The following CCT2 variants were observed in gnomAD, a reference collection of about 807,000 sequenced individuals.
The protein encoded by CCT2 is chaperonin containing TCP1 subunit 2, also known as T-complex protein 1 subunit beta.
CCT2 carries 18 observed loss-of-function variants against 61.8 expected under a neutral mutation model. That is an observed-to-expected ratio of 0.29 (90% CI 0.20 to 0.43). The LOEUF (loss-of-function observed/expected upper bound fraction) is 0.43. CCT2 is among the 20% of genes least tolerant of loss of function. CCT2 has a pLI of 1.00. For synonymous variants in CCT2, 248 were observed against 215.9 expected (o/e 1.15, Z -1.30); for missense variants, 556 against 656.9 (o/e 0.85, Z 1.68).
At position 69,585,520 on chromosome 12, in the gene CCT2, C is replaced by G. The variant is rs1194648173; in HGVS notation, c.-2C>G. 2.5e-6 allele frequency: 4 copies of G among 1,569,640 alleles called. No homozygotes were observed. The highest frequency in any genetic ancestry group is 3.5e-6 in the Non-Finnish European group (4 of 1,156,426). On this transcript the variant is annotated 5_prime_UTR_variant, in exon 1 of 16. Coordinates refer to ENST00000299300, the MANE Select transcript of CCT2 (RefSeq NM_006431.3). The stretch of plus-strand genomic sequence containing the variant: ...CACTTGTGTGCGGAACTCCTCGGAA[C>G]CATGGTGAGCCTGACTCCCCTGCCT...
chr12:69,590,719 CT>C (rs3970807), intron 7 of CCT2, among the ~76,000 whole-genome samples: 25,728 of 139,868 alleles, frequency 0.18, 2,365 homozygotes, highest in East Asian at 0.28. Flanking sequence ...TGTAGCATTT[CT>C]TTTTTTTTTT....
chr12:69,592,754 C>T (rs1034250711), intron 8 of CCT2: 16 of 376,212 alleles, frequency 4.3e-5, no homozygotes, highest in Non-Finnish European at 5.8e-5. Context: ...ATGGTGAAAC[C>T]CTGTCTTTAC....
In CCT2 at chr12:69,587,981, C is replaced by G; in HGVS notation, c.308C>G (p.Thr103Ser). 6.2e-7 allele frequency: 1 copy of G among 1,613,604 alleles called. No individual in the cohort carries two copies. The highest frequency in any genetic ancestry group is 8.5e-7 in the Non-Finnish European group (1 of 1,179,538). The change falls in exon 5 of 16, where the codon ACC (threonine) becomes AGC (serine). Residue 103 changes from threonine to serine, a missense_variant. Coordinates refer to ENST00000299300, the MANE Select transcript of CCT2 (RefSeq NM_006431.3). Reference sequence around the variant, plus strand: ...GTTGGTGATGGCACTACCTCTGTTACCGTTTTAGCAGCAGAATTATTAAGG... The same window carrying G: ...GTTGGTGATGGCACTACCTCTGTTAGCGTTTTAGCAGCAGAATTATTAAGG... ...DEVGDGTTSV[T>S]VLAAELLREA... is the part of the protein sequence containing the mutation.
In CCT2 at chr12:69,593,582, T is replaced by C; in HGVS notation, c.951T>C (p.Phe317=). ...TCATGGCTATTGAGCATGCAGATTT[T>C]GCAGGTGTGGAACGCCTAGCTCTTG... ...AGVMAIEHAD[F]AGVERLALVT... The change falls in exon 10 of 16, where the codon TTT becomes TTC. Residue 317 remains phenylalanine, a synonymous_variant. Coordinates refer to ENST00000299300, the MANE Select transcript of CCT2 (RefSeq NM_006431.3). 1 of 1,613,160 alleles carries C rather than the reference T, an allele frequency of 6.2e-7. No individual in the cohort carries two copies. Among genetic ancestry groups the C allele is most frequent in the African/African-American group, 1.3e-5 (1 of 75,046 alleles).
At chr12:69,597,090 T>G in intron 10 of CCT2, 66 bp from the exon 11 acceptor site, 2 of 1,488,428 alleles carry the variant, frequency 1.3e-6, no homozygotes, top group Non-Finnish European at 1.9e-6. Context: ...TATCCATTAC[T>G]GCTTATTAGA....
In CCT2 at chr12:69,588,200, G is replaced by A. The variant is rs764322852; in HGVS notation, c.384G>A (p.Ala128=). 7.4e-6 allele frequency: 12 copies of A among 1,613,974 alleles called. No homozygotes were observed. The highest frequency in any genetic ancestry group is 1.3e-5 in the African/African-American group (1 of 74,888). ...AGATTCATCCACAGACCATCATAGC[G>A]GGTTGGAGAGAAGCCACGAAGGCTG... ...AKKIHPQTII[A]GWREATKAAR... The change falls in exon 6 of 16, where the codon GCG becomes GCA. Residue 128 remains alanine, a synonymous_variant. Coordinates refer to ENST00000299300, the MANE Select transcript of CCT2 (RefSeq NM_006431.3).
chr12:69,587,053 T>C (rs1365435652), intron 3 of CCT2: 2 of 415,278 alleles, frequency 4.8e-6, no homozygotes, highest in Non-Finnish European at 8.5e-6. Flanking sequence ...ATTCTGTTTA[T>C]GTAGAAGTAT....
At chr12:69,588,489 G>A in intron 6 of CCT2, 1 of 414,524 alleles carries the variant, frequency 2.4e-6, no homozygotes, top group Non-Finnish European at 4.3e-6. Context: ...AAAGCAAATA[G>A]TATAATACTG....
chr12:69,593,148 A>G, intron 9 of CCT2, 45 bp downstream of exon 9: 1 of 1,537,046 alleles, frequency 6.5e-7, no homozygotes, highest in Non-Finnish European at 8.9e-7. Flanking sequence ...ATGAAAGTTT[A>G]TGGAATACTT....
intron 5 of CCT2, 63 bp from the exon 6 acceptor site, chr12:69,588,087 T>C (rs934889533): frequency 1.3e-6 from 2 of 1,509,938 alleles, no homozygotes; most frequent in African/African-American, 2.7e-5. Flanking sequence ...CCTCTGTCTT[T>C]ACTATTGAGG....
intron 6 of CCT2, chr12:69,588,554 G>T: frequency 1.3e-5 from 3 of 236,000 alleles, no homozygotes; most frequent in Admixed American, 5.2e-5. Flanking sequence ...GCACATTTTT[G>T]GATGTCAATT....
intron 10 of CCT2, among the ~76,000 whole-genome samples, chr12:69,595,214 T>A (rs940360532): frequency 1.8e-4 from 27 of 152,350 alleles, no homozygotes; most frequent in African/African-American, 6.5e-4. Context: ...ACGTTTTTTT[T>A]AATCATTTGA....
Position 69,597,264 on chromosome 12 carries a change from GGGTTGCCCTT to G in CCT2, c.1095_1102+2del. On this transcript the variant is annotated frameshift_variant and splice_region_variant, in exon 11 of 16. Coordinates refer to ENST00000299300, the MANE Select transcript of CCT2 (RefSeq NM_006431.3). LOFTEE classifies it high-confidence loss of function. ...GAAGACAAACTCATTCACTTTTCTG[GGGTTGCCCTT>G]GGTGAGTGATTATGTAGATCCTGGT... 1 of 1,613,816 alleles carries G rather than the reference GGGTTGCCCTT, an allele frequency of 6.2e-7. No individual in the cohort carries two copies.
rs757336726 is a variant in CCT2 at position 69,587,468 on chromosome 12, C to T, written c.145-37C>T. ...TGATCCATGCATTCTTCAAGATGTG[C>T]TTATGTCTTAACTTGAACCAATTAT... is the stretch of plus-strand genomic sequence containing the variant. On this transcript the variant is annotated intron_variant, in intron 3 of 15. Transcript: ENST00000299300. 2.3e-5 allele frequency: 27 copies of T among 1,160,102 alleles called. No homozygotes were observed. In the East Asian group the frequency reaches 6.1e-4, roughly 26 times the overall value. The allele number at this position is 1,160,102 out of a possible 1,614,324, so 71.9% of individuals were successfully genotyped here. A position where few individuals can be genotyped will look rare whatever the true frequency, so the allele number is the denominator to read the frequency against.
In CCT2 at chr12:69,587,980, A is replaced by G. The variant is rs1386955312; in HGVS notation, c.307A>G (p.Thr103Ala). ...AGTTGGTGATGGCACTACCTCTGTT[A>G]CCGTTTTAGCAGCAGAATTATTAAG... ...DEVGDGTTSVTVLAAELLREA... is the reference protein window; with the variant it reads ...DEVGDGTTSVAVLAAELLREA... The change falls in exon 5 of 16, where the codon ACC becomes GCC. Residue 103 changes from threonine to alanine, a missense_variant. Physicochemically the swap from Thr to Ala is moderately conservative, Grantham distance 58 (BLOSUM62 0). Around this residue, in one of 3 missense-constraint regions of CCT2, gnomAD observed 308 missense variants for 350.6 expected, o/e 0.88. Coordinates refer to ENST00000299300, the MANE Select transcript of CCT2 (RefSeq NM_006431.3). The G allele has an allele frequency of 6.2e-7, 1 of 1,613,674 alleles. No homozygotes were observed. The highest frequency in any genetic ancestry group is 8.5e-7 in the Non-Finnish European group (1 of 1,179,572).
chr12:69,589,126 CCA>C, intron 6 of CCT2: 1 of 236,352 alleles, frequency 4.2e-6, no homozygotes, highest in Non-Finnish European at 8.3e-6. Context: ...TGGGGTTTCA[CCA>C]TGTTGCTCAG....
chr12:69,593,211 C>A, intron 9 of CCT2, 108 bp downstream of exon 9: 1 of 973,488 alleles, frequency 1.0e-6, no homozygotes, highest in Non-Finnish European at 1.5e-6. Context: ...TCTTAGATAA[C>A]TTCACTTAAA....
At chr12:69,595,684 G>A (rs1177896960) in intron 10 of CCT2, among the ~76,000 whole-genome samples, 5 of 87,228 alleles carry the variant, frequency 5.7e-5, no homozygotes, top group East Asian at 7.2e-4. Context: ...GCGAGACTCC[G>A]TCTCAAAAAA....
rs370802230 is a variant in CCT2 at position 69,593,659 on chromosome 12, T to C, written c.982+46T>C. 6 of 1,164,248 alleles carry C rather than the reference T, an allele frequency of 5.2e-6. No homozygotes were observed. In the African/African-American group the frequency reaches 9.1e-5, roughly 18 times the overall value. The allele number at this position is 1,164,248 out of a possible 1,614,324, so 72.1% of individuals were successfully genotyped here. A position where few individuals can be genotyped will look rare whatever the true frequency, so the allele number is the denominator to read the frequency against. ...TTTCTAACAAACACAATAGTCACTC[T>C]TGAATTTGTTATTTGTTACTATATG... On this transcript the variant is annotated intron_variant, in intron 10 of 15. Transcript: ENST00000299300.
Sources: allele counts gnomAD v4.1 joint callset (sites outside exome capture counted in the v4.1 genomes callset), GRCh38; gene constraint gnomAD v4.1.1; regional missense constraint gnomAD v4.1.1; transcripts MANE v1.5; gene names NCBI Gene and HGNC (gene_info 2026-07-23, HGNC 2026-07-21).